FNTB: variants seen among roughly 807,000 people sequenced by gnomAD.
The protein encoded by FNTB is protein farnesyltransferase subunit beta.
A neutral mutation model predicts 59.4 loss-of-function variants in FNTB; 27 were observed. That is an observed-to-expected ratio of 0.45 (90% CI 0.34 to 0.63). The LOEUF is 0.63. FNTB is among the 20% of genes least tolerant of loss of function. The pLI, the probability that FNTB is intolerant of heterozygous loss-of-function variation, is 0.02. For missense variants in FNTB, 449 were observed against 559.6 expected (o/e 0.80, Z 1.99); for synonymous variants, 230 against 220.7 (o/e 1.04, Z -0.37).
In FNTB at chr14:65,054,832, C is replaced by T. The variant is rs2296314; in HGVS notation, c.1182+143C>T. ...CCCTCTGCCCTTCGAGCTGTGCAGCCGTTAGTGAGGATGTGACCACAGAGG... is the reference window on the plus strand; with the variant it reads ...CCCTCTGCCCTTCGAGCTGTGCAGCTGTTAGTGAGGATGTGACCACAGAGG... On this transcript the variant is annotated intron_variant, in intron 11 of 11. Transcript: ENST00000246166. The surrounding 1 kb of genome is among the most constrained non-coding windows in gnomAD (Gnocchi z 4.4). 5.1e-3 allele frequency: 4,677 copies of T among 919,546 alleles called. 87 individuals are homozygous for T. The highest frequency in any genetic ancestry group is 0.045 in the East Asian group (1,671 of 37,472). 57.0% of individuals were successfully genotyped at this position (919,546 alleles called of 1,614,324 possible).
intron 1 of FNTB, among the ~76,000 whole-genome samples, chr14:64,999,693 A>C (rs1235625010): frequency 6.6e-6 from 1 of 152,210 alleles, no homozygotes; most frequent in East Asian, 1.9e-4. Flanking sequence ...GGGACCTGTT[A>C]AGAAAAAAAA....
At position 65,040,893 on chromosome 14, in the gene FNTB, C is replaced by T. The variant is rs1302894757; in HGVS notation, c.796C>T (p.Arg266Cys). Reference sequence around the variant, plus strand: ...CGCGCTGGTAATCCTCAAGAGGGAACGTTCCTTGAACTTGAAGAGCTTATT... The same window carrying T: ...CGCGCTGGTAATCCTCAAGAGGGAATGTTCCTTGAACTTGAAGAGCTTATT... ...LAALVILKRE[R>C]SLNLKSLLQW... is the part of the protein sequence containing the mutation. The change falls in exon 8 of 12, where the codon CGT becomes TGT. Residue 266 changes from arginine (R) to cysteine (C), a missense_variant. By Grantham distance (180) the Arg-to-Cys change is radical (BLOSUM62 -3). This residue lies in a region of FNTB where 337 missense variants were observed against 479.1 expected (regional missense o/e 0.70). Transcript: ENST00000246166. The T allele has an allele frequency of 1.4e-5, 23 of 1,613,760 alleles. No homozygotes were observed. Among genetic ancestry groups the T allele is most frequent in the Non-Finnish European group, 1.7e-5 (20 of 1,179,860 alleles).
Position 65,012,869 on chromosome 14 carries a change from A to T in FNTB, c.282+480A>T, listed in dbSNP as rs777489222. 8.5e-5 allele frequency among the ~76,000 whole-genome samples: 13 copies of T among 152,208 alleles called. No homozygotes were observed. The highest frequency in any genetic ancestry group is 1.5e-4 in the Non-Finnish European group (10 of 68,038). On this transcript the variant is annotated intron_variant, in intron 3 of 11. Transcript: ENST00000246166. This position sits in a 1 kb window ranked among gnomAD's most constrained non-coding sequence, Gnocchi z 5.0. ...CATATCTTCATTAAAGAGACAAAAA[A>T]CCCTTTCTTGTAATAAGATCTAATT...
Position 65,047,830 on chromosome 14 carries a change from G to GT in FNTB, c.955+3388dup, listed in dbSNP as rs1181310675. Among the ~76,000 whole-genome samples, 3 of 152,194 alleles carry GT rather than the reference G, an allele frequency of 2.0e-5. No individual in the cohort carries two copies. The highest frequency in any genetic ancestry group is 4.4e-5 in the Non-Finnish European group (3 of 68,046). On this transcript the variant is annotated intron_variant, in intron 9 of 11. Transcript: ENST00000246166. This position sits in a 1 kb window ranked among gnomAD's most constrained non-coding sequence, Gnocchi z 5.2. ...AGCTCTGCAAGATACAACATGAAGT[G>GT]TAAGGGGGCGGGGCCTGGAGCAGTG...
chr14:64,989,820 CA>C (rs1403920661), intron 1 of FNTB, among the ~76,000 whole-genome samples: 1 of 152,104 alleles, frequency 6.6e-6, no homozygotes, highest in Non-Finnish European at 1.5e-5. Flanking sequence ...GCCAATGAGG[CA>C]GTCAATTAAA....
At chr14:65,059,830 C>T (rs1595109416) in intron 11 of FNTB, among the ~76,000 whole-genome samples, 1 of 129,296 alleles carries the variant, frequency 7.7e-6, no homozygotes, top group Non-Finnish European at 1.5e-5. Context: ...GGTTGTGGTC[C>T]TTTTTTCTTT....
rs1206779566 is a variant in FNTB, at chr14:65,027,449, C to T, written c.375-4C>T. 1.2e-6 allele frequency: 2 copies of T among 1,614,064 alleles called. No homozygotes were observed. Among genetic ancestry groups the T allele is most frequent in the Admixed American group, 1.7e-5 (1 of 60,014 alleles). On this transcript the variant is annotated splice_region_variant and splice_polypyrimidine_tract_variant and intron_variant, in intron 4 of 11. Coordinates refer to ENST00000246166, the MANE Select transcript of FNTB (RefSeq NM_002028.4). This position sits in a 1 kb window ranked among gnomAD's most constrained non-coding sequence, Gnocchi z 5.7. ...TTGTTTTTGCCCTTTGGCTGTGTAC[C>T]TAGTGTGTGTCAGTTCCTGGAGCTG...
Position 64,990,748 on chromosome 14 carries a change from T to C in FNTB, c.144+3651T>C, listed in dbSNP as rs1888167321. Among the ~76,000 whole-genome samples, 1 of 152,198 alleles carries C rather than the reference T, an allele frequency of 6.6e-6. No individual in the cohort carries two copies. Among genetic ancestry groups the C allele is most frequent in the Non-Finnish European group, 1.5e-5 (1 of 68,030 alleles). On this transcript the variant is annotated intron_variant, in intron 1 of 11. Transcript: ENST00000246166. This position sits in a 1 kb window ranked among gnomAD's most constrained non-coding sequence, Gnocchi z 5.2. ...AGCATTTTAACAGGCTCATTTAGGTTACTGTCAAGAGTAGATGGTGGGGAG... is the reference window on the plus strand; with the variant it reads ...AGCATTTTAACAGGCTCATTTAGGTCACTGTCAAGAGTAGATGGTGGGGAG...
At chr14:65,048,878 G>A (rs2062546025) in intron 9 of FNTB, among the ~76,000 whole-genome samples, 1 of 151,950 alleles carries the variant, frequency 6.6e-6, no homozygotes, top group African/African-American at 2.4e-5. Context: ...TGTAATCCCA[G>A]CATTTTGGGA....
chr14:65,036,489 A>G (rs1047472534), intron 7 of FNTB, among the ~76,000 whole-genome samples: 16 of 152,148 alleles, frequency 1.1e-4, no homozygotes, highest in Non-Finnish European at 2.1e-4. Context: ...CGCCTGCCTC[A>G]GCCTCCCAAA....
At chr14:65,013,469 C>T (rs1175042779) in intron 3 of FNTB, among the ~76,000 whole-genome samples, 1 of 152,150 alleles carries the variant, frequency 6.6e-6, no homozygotes, top group Non-Finnish European at 1.5e-5. Context: ...CAATCCTTGA[C>T]TCAAGTCCTC....
chr14:65,016,092 A>G (rs2061767864), intron 4 of FNTB, among the ~76,000 whole-genome samples: 1 of 152,206 alleles, frequency 6.6e-6, no homozygotes. Flanking sequence ...CCAGTGAACA[A>G]AAATGCCTTT....
At chr14:65,041,357 A>G (rs2062348338) in intron 8 of FNTB, among the ~76,000 whole-genome samples, 1 of 152,216 alleles carries the variant, frequency 6.6e-6, no homozygotes, top group Non-Finnish European at 1.5e-5. Context: ...AGAGCTGGCT[A>G]ATTGCATTGA....
intron 11 of FNTB, among the ~76,000 whole-genome samples, chr14:65,058,513 G>C (rs1393594286): frequency 1.3e-5 from 2 of 152,154 alleles, no homozygotes; most frequent in Non-Finnish European, 2.9e-5. Flanking sequence ...AAAGGTAGTA[G>C]AGGGCATTCG....
chr14:65,005,765 TG>T (rs1338717245), intron 2 of FNTB, among the ~76,000 whole-genome samples: 4 of 152,078 alleles, frequency 2.6e-5, no homozygotes, highest in Non-Finnish European at 5.9e-5. Context: ...CCGCAGTAGC[TG>T]GGACTATGGG....
intron 2 of FNTB, among the ~76,000 whole-genome samples, chr14:65,010,003 C>T (rs2061659277): frequency 6.6e-6 from 1 of 152,120 alleles, no homozygotes; most frequent in Non-Finnish European, 1.5e-5. Context: ...AGTGGACTTT[C>T]CTGAAAGAGA....
At chr14:65,000,481 A>G (rs1888551823) in intron 1 of FNTB, among the ~76,000 whole-genome samples, 1 of 152,178 alleles carries the variant, frequency 6.6e-6, no homozygotes, top group South Asian at 2.1e-4. Context: ...CCCTGAATAT[A>G]CACTCTAATT....
At chr14:65,026,872 A>AG (rs1405006287) in intron 4 of FNTB, among the ~76,000 whole-genome samples, 3 of 152,018 alleles carry the variant, frequency 2.0e-5, no homozygotes, top group Non-Finnish European at 4.4e-5. Flanking sequence ...AAAAAAAAAA[A>AG]CAAAAAAACA....
intron 2 of FNTB, among the ~76,000 whole-genome samples, chr14:65,008,406 G>GA (rs1331095288): frequency 6.6e-6 from 1 of 152,246 alleles, no homozygotes; most frequent in Non-Finnish European, 1.5e-5. Context: ...TGGGCTCAGG[G>GA]AAGCCAGAGT....
Sources: gnomAD v4.1 joint callset for allele counts (sites outside exome capture counted in the v4.1 genomes callset) on GRCh38, gnomAD v4.1.1 for gene constraint, gnomAD v4.1.1 regional missense constraint, Gnocchi (gnomAD v3.1) non-coding constraint, MANE v1.5 for transcripts, NCBI Gene and HGNC (gene_info 2026-07-23, HGNC 2026-07-21) for gene names.